MAGI1: variants seen among roughly 807,000 people sequenced by gnomAD.
MAGI1 encodes the protein membrane-associated guanylate kinase, WW and PDZ domain-containing protein 1.
In MAGI1, 58 loss-of-function variants were observed where a neutral mutation model predicts 139.9. That is an observed-to-expected ratio of 0.41 (90% CI 0.34 to 0.52). The LOEUF (loss-of-function observed/expected upper bound fraction) is 0.52. Ranked by LOEUF, MAGI1 falls within the 20% of genes least tolerant of loss-of-function variation. The pLI is 0.12. For missense variants in MAGI1, 1,874 were observed against 1,901.6 expected (o/e 0.99, Z 0.27); for synonymous variants, 812 against 737.9 (o/e 1.10, Z -1.63).
At chr3:65,871,486 G>A (rs772776967) in intron 1 of MAGI1, among the ~76,000 whole-genome samples, 6 of 152,192 alleles carry the variant, frequency 3.9e-5, no homozygotes, top group Non-Finnish European at 8.8e-5. Flanking sequence ...ATTGCTGAAG[G>A]GGAAAGAGAG....
chr3:65,918,119 C>T (rs1218678271), intron 1 of MAGI1, among the ~76,000 whole-genome samples: 1 of 146,290 alleles, frequency 6.8e-6, no homozygotes, highest in East Asian at 2.0e-4. Context: ...TAAACAGCTA[C>T]TCAGAAAAAT....
intron 1 of MAGI1, among the ~76,000 whole-genome samples, chr3:65,887,598 G>C (rs1037298997): frequency 1.3e-5 from 2 of 151,722 alleles, no homozygotes; most frequent in African/African-American, 2.4e-5. Context: ...CTTAGACAGA[G>C]ACAGTAAACA....
At chr3:65,511,706 G>T (rs1559624316) in intron 2 of MAGI1, among the ~76,000 whole-genome samples, 1 of 149,470 alleles carries the variant, frequency 6.7e-6, no homozygotes, top group Admixed American at 6.7e-5. Flanking sequence ...ATTAATAATG[G>T]GAGACTTTAA....
intron 12 of MAGI1, among the ~76,000 whole-genome samples, chr3:65,427,651 A>C (rs985983225): frequency 6.6e-6 from 1 of 152,190 alleles, no homozygotes; most frequent in African/African-American, 2.4e-5. Context: ...AATCAGTGTT[A>C]TTCAGTTAAG....
chr3:66,032,385 G>GTT (rs386396910), intron 1 of MAGI1, among the ~76,000 whole-genome samples: 2,059 of 134,216 alleles, frequency 0.015, 67 homozygotes, highest in African/African-American at 0.048. Context: ...TAATTTTTTT[G>GTT]TTTTTTTTTT....
chr3:65,616,650 A>C (rs1376178160), intron 2 of MAGI1, among the ~76,000 whole-genome samples: 1 of 152,204 alleles, frequency 6.6e-6, no homozygotes, highest in Non-Finnish European at 1.5e-5. Context: ...ATAGAGGACA[A>C]GGGCAGAGAA....
intron 1 of MAGI1, among the ~76,000 whole-genome samples, chr3:65,992,292 A>T (rs1466083218): frequency 6.6e-6 from 1 of 152,228 alleles, no homozygotes; most frequent in Non-Finnish European, 1.5e-5. Context: ...ACATCTAAGG[A>T]AACAGTGACT....
intron 16 of MAGI1, 63 bp from the exon 17 acceptor site, chr3:65,379,617 T>G (rs960024870): frequency 8.4e-6 from 13 of 1,546,226 alleles, no homozygotes; most frequent in Admixed American, 1.8e-5. Flanking sequence ...CTGCTGCCCC[T>G]CCCTCCTTCC....
rs1283193788 is a variant in MAGI1, at chr3:65,353,649, G to A, written c.*2729C>T. ...GTCCTCCCCCCCAACATTCTTTCAG[G>A]CATCAACTGTGTAACGGAGGGAGAC... On this transcript the variant is annotated 3_prime_UTR_variant, in exon 23 of 23. Coordinates refer to ENST00000402939, the MANE Select transcript of MAGI1 (RefSeq NM_001033057.2). 2 of 152,040 alleles carry A rather than the reference G, an allele frequency of 1.3e-5. No individual in the cohort carries two copies. The highest frequency in any genetic ancestry group is 2.9e-5 in the Non-Finnish European group (2 of 68,028). 9.4% of individuals were successfully genotyped at this position (152,040 alleles called of 1,614,324 possible).
chr3:65,653,240 T>C (rs1287643027), intron 1 of MAGI1, among the ~76,000 whole-genome samples: 10 of 152,188 alleles, frequency 6.6e-5, no homozygotes, highest in Non-Finnish European at 2.9e-5. Flanking sequence ...TTCCACCTCC[T>C]GTACAGCTCT....
chr3:65,379,413 G>T lies in MAGI1; in HGVS notation c.2843C>A (p.Thr948Asn). The change falls in exon 17 of 23, where the codon ACC becomes AAC. Residue 948 changes from threonine (T) to asparagine (N), a missense_variant. Thr to Asn is a moderately conservative substitution (Grantham distance 65, BLOSUM62 0). Transcript: ENST00000402939. Reference protein sequence around the residue: ...LNTVSSGSGSTSGIGSGGGGG... With the variant: ...LNTVSSGSGSNSGIGSGGGGG... Reference sequence around the variant, plus strand: ...GCCGCCGCCACTGCCGATGCCGCTGGTGCTGCCGCTGCCCGAGCTCACCGT... The same window carrying T: ...GCCGCCGCCACTGCCGATGCCGCTGTTGCTGCCGCTGCCCGAGCTCACCGT... The T allele has an allele frequency of 1.2e-6, 2 of 1,613,422 alleles. No homozygotes were observed. The highest frequency in any genetic ancestry group is 1.7e-6 in the Non-Finnish European group (2 of 1,179,572).
chr3:65,985,033 T>C (rs151065420), intron 1 of MAGI1, among the ~76,000 whole-genome samples: 1 of 152,222 alleles, frequency 6.6e-6, no homozygotes, highest in Non-Finnish European at 1.5e-5. Flanking sequence ...TAGCCCTTCC[T>C]ACCCCAGCTT....
chr3:65,369,643 G>C (rs141543041), intron 18 of MAGI1, among the ~76,000 whole-genome samples: 1 of 152,134 alleles, frequency 6.6e-6, no homozygotes, highest in African/African-American at 2.4e-5. Context: ...CAAGTAGCTG[G>C]GACTACAGGC....
intron 1 of MAGI1, among the ~76,000 whole-genome samples, chr3:65,883,537 G>C (rs1387652683): frequency 6.6e-6 from 1 of 152,214 alleles, no homozygotes; most frequent in African/African-American, 2.4e-5. Flanking sequence ...TTTGCTATGA[G>C]ATTCTACTTC....
At chr3:65,782,130 C>G (rs2038983333) in intron 1 of MAGI1, among the ~76,000 whole-genome samples, 1 of 152,148 alleles carries the variant, frequency 6.6e-6, no homozygotes, top group Non-Finnish European at 1.5e-5. Context: ...GCAGAATAAT[C>G]ACCCCAAAGA....
At chr3:65,868,665 T>C (rs1161736561) in intron 1 of MAGI1, among the ~76,000 whole-genome samples, 5 of 152,132 alleles carry the variant, frequency 3.3e-5, no homozygotes, top group African/African-American at 1.2e-4. Flanking sequence ...TAATTATATG[T>C]TGGGAGCTAA....
At chr3:65,837,799 T>C (rs1039803078) in intron 1 of MAGI1, among the ~76,000 whole-genome samples, 2 of 152,220 alleles carry the variant, frequency 1.3e-5, no homozygotes, top group African/African-American at 2.4e-5. Flanking sequence ...AGCTAGTTCC[T>C]AAAAGGCACA....
chr3:65,768,087 T>C (rs1050469219), intron 1 of MAGI1, among the ~76,000 whole-genome samples: 5 of 152,226 alleles, frequency 3.3e-5, no homozygotes, highest in African/African-American at 4.8e-5. Context: ...GCAAGCATTC[T>C]ATTCCTACTG....
intron 1 of MAGI1, among the ~76,000 whole-genome samples, chr3:65,797,538 C>A (rs2040228079): frequency 6.6e-6 from 1 of 152,088 alleles, no homozygotes; most frequent in South Asian, 2.1e-4. Context: ...GCCTGGGCAA[C>A]ATGGCAAAAC....
Sources: gnomAD v4.1 joint callset for allele counts (sites outside exome capture counted in the v4.1 genomes callset) on GRCh38, gnomAD v4.1.1 for gene constraint, MANE v1.5 for transcripts, NCBI Gene and HGNC (gene_info 2026-07-23, HGNC 2026-07-21) for gene names.